ARHGEF7: variants seen among roughly 807,000 people sequenced by gnomAD.
ARHGEF7 encodes the protein PAK-interacting exchange factor beta.
A neutral mutation model predicts 109.8 loss-of-function variants in ARHGEF7; 33 were observed. That is an observed-to-expected ratio of 0.30 (90% CI 0.23 to 0.40). The LOEUF (loss-of-function observed/expected upper bound fraction) is 0.40, where lower values mean the gene tolerates loss of function less well. Ranked by LOEUF, ARHGEF7 falls within the 10% of genes least tolerant of loss-of-function variation. The pLI is 1.00. For missense variants in ARHGEF7, 938 were observed against 1,098.5 expected (o/e 0.85, Z 2.07); for synonymous variants, 458 against 424.6 (o/e 1.08, Z -0.97).
chr13:111,241,985 T>C (rs1468069156), intron 6 of ARHGEF7, among the ~76,000 whole-genome samples: 1 of 152,210 alleles, frequency 6.6e-6, no homozygotes, highest in Non-Finnish European at 1.5e-5. Context: ...GAGTAGCGTC[T>C]CTGGGGTGTG....
At chr13:111,160,588 A>G (rs1285761488) in intron 2 of ARHGEF7, among the ~76,000 whole-genome samples, 2 of 152,164 alleles carry the variant, frequency 1.3e-5, no homozygotes, top group African/African-American at 2.4e-5. Flanking sequence ...GGGGATTACA[A>G]TTCAAGATGA....
chr13:111,296,137 G>T (rs1463319333), intron 19 of ARHGEF7, among the ~76,000 whole-genome samples: 1 of 152,102 alleles, frequency 6.6e-6, no homozygotes, highest in East Asian at 1.9e-4. Context: ...GGGTTGATCA[G>T]CACTGTGTTG....
At chr13:111,288,907 A>T (rs1393611015) in intron 18 of ARHGEF7, among the ~76,000 whole-genome samples, 2 of 152,244 alleles carry the variant, frequency 1.3e-5, no homozygotes, top group African/African-American at 4.8e-5. Context: ...TTTCTAAAAA[A>T]TAATTGCTTT....
chr13:111,277,788 G>T, intron 13 of ARHGEF7, 115 bp downstream of exon 13: 1 of 693,240 alleles, frequency 1.4e-6, no homozygotes. Context: ...TGTGTGTGTA[G>T]TGCTGTATAT....
chr13:111,303,681 A>G lies in ARHGEF7; in HGVS notation c.*568A>G, dbSNP rs2093612470. On this transcript the variant is annotated 3_prime_UTR_variant, in exon 22 of 22. Transcript: ENST00000646102. ...AATAACCTTATTTATACCTGCAGAG[A>G]TACACTTCAGTCCCATTCAGAAGTC... 6.6e-6 allele frequency: 1 copy of G among 152,180 alleles called. No individual in the cohort carries two copies. Among genetic ancestry groups the G allele is most frequent in the Non-Finnish European group, 1.5e-5 (1 of 68,062 alleles). 9.4% of individuals were successfully genotyped at this position (152,180 alleles called of 1,614,324 possible).
chr13:111,261,066 G>A (rs535916788), intron 8 of ARHGEF7, among the ~76,000 whole-genome samples: 149 of 151,978 alleles, frequency 9.8e-4, no homozygotes, highest in Non-Finnish European at 1.9e-3. Flanking sequence ...AGACAGGAAG[G>A]AAAAAAGGAA....
In ARHGEF7 at chr13:111,185,519, C is replaced by G. The variant is rs190446182; in HGVS notation, c.253-19770C>G. On this transcript the variant is annotated intron_variant, in intron 2 of 21. Coordinates refer to ENST00000646102, the MANE Select transcript of ARHGEF7 (RefSeq NM_001354046.2). ...GGCCATCTTGAGAAACTTCTCAAAA[C>G]TGGAGTCTTGTAACTGCTTGCATTT... is the stretch of plus-strand genomic sequence containing the variant. 2.0e-5 allele frequency among the ~76,000 whole-genome samples: 3 copies of G among 152,342 alleles called. No individual in the cohort carries two copies. In the East Asian group the frequency reaches 5.8e-4, roughly 29 times the overall value.
intron 1 of ARHGEF7, among the ~76,000 whole-genome samples, chr13:111,118,553 T>C (rs1401757779): frequency 6.6e-6 from 1 of 152,188 alleles, no homozygotes; most frequent in Non-Finnish European, 1.5e-5. Context: ...GATGTTTGGC[T>C]GGGCTGCCCA....
intron 2 of ARHGEF7, among the ~76,000 whole-genome samples, chr13:111,184,350 ATTG>A (rs141436149): frequency 1.8e-3 from 277 of 152,238 alleles, no homozygotes; most frequent in Middle Eastern, 3.4e-3. Flanking sequence ...ACAGATGGTT[ATTG>A]TTGAAGTTTT....
intron 8 of ARHGEF7, among the ~76,000 whole-genome samples, chr13:111,253,336 T>A (rs1181119913): frequency 6.6e-6 from 1 of 152,108 alleles, no homozygotes. Context: ...TTTAAACGAG[T>A]TTTTAAAATA....
intron 8 of ARHGEF7, among the ~76,000 whole-genome samples, chr13:111,249,376 G>T (rs1344551425): frequency 6.6e-6 from 1 of 151,998 alleles, no homozygotes; most frequent in Admixed American, 6.6e-5. Flanking sequence ...GACGTGCCAG[G>T]TAACAGGAGC....
At chr13:111,184,518 G>A (rs2079061520) in intron 2 of ARHGEF7, among the ~76,000 whole-genome samples, 1 of 152,148 alleles carries the variant, frequency 6.6e-6, no homozygotes, top group African/African-American at 2.4e-5. Flanking sequence ...CAGAGAACCC[G>A]CTGGCATGGT....
chr13:111,218,831 GT>G (rs2083457398), intron 5 of ARHGEF7, among the ~76,000 whole-genome samples: 1 of 145,154 alleles, frequency 6.9e-6, no homozygotes, highest in Admixed American at 7.0e-5. Flanking sequence ...GGCTGCTATT[GT>G]TTTTCTAAGG....
At chr13:111,174,900 C>T (rs746798759) in intron 2 of ARHGEF7, among the ~76,000 whole-genome samples, 1 of 152,208 alleles carries the variant, frequency 6.6e-6, no homozygotes, top group Non-Finnish European at 1.5e-5. Flanking sequence ...TTTTGTGCAG[C>T]ACATGTGCTT....
intron 9 of ARHGEF7, among the ~76,000 whole-genome samples, chr13:111,271,931 G>T (rs2092186751): frequency 6.6e-6 from 1 of 152,190 alleles, no homozygotes; most frequent in Non-Finnish European, 1.5e-5. Flanking sequence ...GCAGACAGAG[G>T]TGCCGCACCC....
chr13:111,123,874 C>CCCT (rs1491551828), intron 1 of ARHGEF7, among the ~76,000 whole-genome samples: 1 of 125,096 alleles, frequency 8.0e-6, no homozygotes, highest in African/African-American at 3.0e-5. Flanking sequence ...CCCCCCCCCC[C>CCCT]GGCCCCGCCC....
At chr13:111,291,118 C>A (rs1306426240) in intron 18 of ARHGEF7, among the ~76,000 whole-genome samples, 1 of 152,150 alleles carries the variant, frequency 6.6e-6, no homozygotes, top group South Asian at 2.1e-4. Flanking sequence ...GAACAGAGGT[C>A]AATTTGATAG....
At chr13:111,182,886 G>A (rs1250664355) in intron 2 of ARHGEF7, among the ~76,000 whole-genome samples, 3 of 152,192 alleles carry the variant, frequency 2.0e-5, no homozygotes. Context: ...TCAGTATTCA[G>A]TACGTCACAT....
In ARHGEF7 at chr13:111,304,643, C is replaced by G. The variant is rs957758993; in HGVS notation, c.*1530C>G. The G allele has an allele frequency of 1.3e-5, 2 of 152,222 alleles. No homozygotes were observed. Among genetic ancestry groups the G allele is most frequent in the African/African-American group, 4.8e-5 (2 of 41,440 alleles). 9.4% of individuals were successfully genotyped at this position (152,222 alleles called of 1,614,324 possible). A position where few individuals can be genotyped will look rare whatever the true frequency, so the allele number is the denominator to read the frequency against. ...TGGGAGAGTGTTGTGTTGCTGTTTA[C>G]GGTTCTTCCTTGCCCTTGCTAATTA... On this transcript the variant is annotated 3_prime_UTR_variant, in exon 22 of 22. Transcript: ENST00000646102.
Sources: allele counts gnomAD v4.1 joint callset (sites outside exome capture counted in the v4.1 genomes callset), GRCh38; gene constraint gnomAD v4.1.1; transcripts MANE v1.5; gene names NCBI Gene and HGNC (gene_info 2026-07-23, HGNC 2026-07-21).